Variants in ZNF761 observed in about 807,000 individuals in gnomAD.
ZNF761 encodes the protein zinc finger protein 761.
In ZNF761, 43 loss-of-function variants were observed where a neutral mutation model predicts 59.9. That is an observed-to-expected ratio of 0.72 (90% CI 0.56 to 0.92). The LOEUF (loss-of-function observed/expected upper bound fraction) is 0.92, where lower values mean the gene tolerates loss of function less well. ZNF761 is among the 40% of genes least tolerant of loss of function. ZNF761 has a pLI of 0.00. For missense variants in ZNF761, 850 were observed against 906.1 expected, an observed-to-expected ratio of 0.94 and a Z score of 0.79; for synonymous variants, 294 against 304.8, an observed-to-expected ratio of 0.96 and a Z score of 0.37.
intron 4 of ZNF761, chr19:53,449,974 C>T: frequency 2.1e-6 from 1 of 484,622 alleles, no homozygotes; most frequent in East Asian, 3.3e-5. Context: ...AGGTGCCAAC[C>T]ACCATACCTA....
chr19:53,457,133 A>ATG lies in ZNF761; in HGVS notation c.*385_*386insTG. 1.9e-6 allele frequency: 1 copy of ATG among 526,840 alleles called. No homozygotes were observed. Among genetic ancestry groups the ATG allele is most frequent in the Non-Finnish European group, 3.6e-6 (1 of 273,984 alleles). 32.6% of individuals were successfully genotyped at this position (526,840 alleles called of 1,614,324 possible). A position where few individuals can be genotyped will look rare whatever the true frequency, so the allele number is the denominator to read the frequency against. On this transcript the variant is annotated 3_prime_UTR_variant, in exon 5 of 5. Coordinates refer to ENST00000684525, the MANE Select transcript of ZNF761 (RefSeq NM_001289951.2). Reference sequence around the variant, plus strand: ...AGTCAACACTTGTTTACCGTCAGGCAATCCATGGTGTAGGGAAACTTTACT... The same window carrying ATG: ...AGTCAACACTTGTTTACCGTCAGGCATGATCCATGGTGTAGGGAAACTTTACT...
intron 1 of ZNF761, chr19:53,442,526 TAAACTG>T (rs1222434238): frequency 1.4e-6 from 1 of 712,670 alleles, no homozygotes; most frequent in Non-Finnish European, 2.6e-6. Context: ...ACTTGGAAGA[TAAACTG>T]AAATGCACCA....
intron 1 of ZNF761, chr19:53,442,972 G>T (rs2086115920): frequency 3.5e-6 from 1 of 286,684 alleles, no homozygotes; most frequent in South Asian, 3.1e-5. Flanking sequence ...ATATTTTCCA[G>T]TTATTTACCT....
At chr19:53,436,428 C>T (rs1307004900) in intron 1 of ZNF761, among the ~76,000 whole-genome samples, 1 of 152,132 alleles carries the variant, frequency 6.6e-6, no homozygotes. Context: ...TTTAATTTGA[C>T]TTATGATTAG....
At chr19:53,451,373 G>A (rs1285659868) in intron 4 of ZNF761, among the ~76,000 whole-genome samples, 1 of 152,082 alleles carries the variant, frequency 6.6e-6, no homozygotes. Flanking sequence ...ACCACGCCTG[G>A]CTAATTTTGT....
chr19:53,451,460 C>T (rs80037572), intron 4 of ZNF761, among the ~76,000 whole-genome samples: 2 of 152,322 alleles, frequency 1.3e-5, no homozygotes, highest in African/African-American at 4.8e-5. Flanking sequence ...CCACCAACCT[C>T]GGCCTCCTAA....
At chr19:53,448,252 C>T (rs572585229) in intron 3 of ZNF761, among the ~76,000 whole-genome samples, 3 of 152,320 alleles carry the variant, frequency 2.0e-5, no homozygotes, top group South Asian at 2.1e-4. Context: ...ATCTGCCCAC[C>T]GCAGTCTCCC....
rs373894655 is a variant in ZNF761, at chr19:53,456,229, A to C, written c.1722A>C (p.Gly574=). The C allele has an allele frequency of 1.7e-5, 27 of 1,614,018 alleles. No homozygotes were observed. Among genetic ancestry groups the C allele is most frequent in the Non-Finnish European group, 2.2e-5 (26 of 1,179,990 alleles). ...TLKRHRRLHS[G]ENPYKCEDSD... ...AACGCCATCGTAGACTTCATAGTGG[A>C]GAGAACCCTTACAAATGTGAAGATA... Residue 574 remains glycine, a synonymous_variant, in exon 5 of 5, where the codon GGA becomes GGC. Coordinates refer to ENST00000684525, the MANE Select transcript of ZNF761 (RefSeq NM_001289951.2).
At chr19:53,451,244 C>G (rs1411709954) in intron 4 of ZNF761, among the ~76,000 whole-genome samples, 2 of 152,186 alleles carry the variant, frequency 1.3e-5, no homozygotes, top group East Asian at 3.9e-4. Context: ...AAGTTTTGTT[C>G]TTGTCGCCCA....
Position 53,454,887 on chromosome 19 carries a change from A to G in ZNF761, c.380A>G (p.Asp127Gly), listed in dbSNP as rs1406305579. 1.2e-6 allele frequency: 2 copies of G among 1,614,238 alleles called. No individual in the cohort carries two copies. The highest frequency in any genetic ancestry group is 3.3e-5 in the Admixed American group (2 of 60,028). The change falls in exon 5 of 5, where the codon GAT (aspartate) becomes GGT (glycine). Residue 127 changes from aspartate (D) to glycine (G), a missense_variant. Transcript: ENST00000684525. ...TTGACAGGTATTACAGAACGATATG[A>G]TCAAAGTCATGCTAGAAACAAGCCT... is the stretch of plus-strand genomic sequence containing the variant. Reference protein sequence around the residue: ...KKLTGITERYDQSHARNKPIK... With the variant: ...KKLTGITERYGQSHARNKPIK...
intron 1 of ZNF761, chr19:53,442,140 T>A: frequency 9.2e-7 from 1 of 1,082,078 alleles, no homozygotes; most frequent in South Asian, 1.3e-5. Context: ...GATACAAAGG[T>A]TATTGAAATC....
chr19:53,437,046 A>G (rs1044414158), intron 1 of ZNF761, among the ~76,000 whole-genome samples: 10 of 152,162 alleles, frequency 6.6e-5, no homozygotes, highest in African/African-American at 2.4e-4. Context: ...GACCCAGCGC[A>G]GTGGCTCATG....
At chr19:53,441,797 G>A (rs2086103647) in intron 1 of ZNF761, 2 of 1,072,968 alleles carry the variant, frequency 1.9e-6, no homozygotes, top group African/African-American at 1.6e-5. Context: ...TAATCACAGA[G>A]AGGAGTCTGC....
chr19:53,437,702 T>G (rs2086057833), intron 1 of ZNF761, among the ~76,000 whole-genome samples: 1 of 152,244 alleles, frequency 6.6e-6, no homozygotes, highest in African/African-American at 2.4e-5. Context: ...TTCTGGAAGC[T>G]ATACAGCCTC....
At chr19:53,446,665 G>A (rs2086163388) in intron 2 of ZNF761, among the ~76,000 whole-genome samples, 1 of 151,716 alleles carries the variant, frequency 6.6e-6, no homozygotes, top group Admixed American at 6.6e-5. Context: ...AAGCCACCAA[G>A]CCTGGCTCAG....
At chr19:53,454,617 A>G (rs1301219789) in intron 4 of ZNF761, 33 bp from the exon 5 acceptor site, 1 of 1,540,386 alleles carries the variant, frequency 6.5e-7, no homozygotes, top group Admixed American at 2.1e-5. Context: ...ATCTGTACTT[A>G]ATTTGAAAGC....
chr19:53,456,382 T>C lies in ZNF761; in HGVS notation c.1875T>C (p.Arg625=), dbSNP rs776914772. 10 of 1,614,070 alleles carry C rather than the reference T, an allele frequency of 6.2e-6. No homozygotes were observed. In the Admixed American group the frequency reaches 1.3e-4, roughly 22 times the overall value. ...FSRTSSLTCH[R]RLHTGEKPYK... is the part of the protein sequence containing the mutation. ...GGACGTCATCCCTTACATGCCATCG[T>C]AGACTTCATACCGGAGAGAAACCTT... Residue 625 remains arginine (R), a synonymous_variant, in exon 5 of 5, where the codon CGT becomes CGC. Transcript: ENST00000684525.
In ZNF761 at chr19:53,455,111, C is replaced by G; in HGVS notation, c.604C>G (p.Leu202Val). The change falls in exon 5 of 5, where the codon CTC (leucine) becomes GTC (valine). Residue 202 changes from leucine (L) to valine (V), a missense_variant. Leu to Val is a conservative substitution (Grantham distance 32). Coordinates refer to ENST00000684525, the MANE Select transcript of ZNF761 (RefSeq NM_001289951.2). ...GAATAATTTCTGGAATTCTTCATTA[C>G]TCACACAAAAACAGGAAGTACACAT... ...HGNNFWNSSL[L>V]TQKQEVHMRE... is the part of the protein sequence containing the mutation. 1 of 1,613,956 alleles carries G rather than the reference C, an allele frequency of 6.2e-7. No homozygotes were observed. Among genetic ancestry groups the G allele is most frequent in the Non-Finnish European group, 8.5e-7 (1 of 1,180,026 alleles).
intron 4 of ZNF761, among the ~76,000 whole-genome samples, chr19:53,452,434 C>G (rs1184351286): frequency 3.9e-5 from 6 of 152,012 alleles, no homozygotes; most frequent in East Asian, 3.9e-4. Flanking sequence ...AGTGAGCCAA[C>G]ATTGCCCCAC....
Sources: allele counts gnomAD v4.1 joint callset (sites outside exome capture counted in the v4.1 genomes callset), GRCh38; gene constraint gnomAD v4.1.1; transcripts MANE v1.5; gene names NCBI Gene and HGNC (gene_info 2026-07-23, HGNC 2026-07-21).